TDRKH: variants seen among roughly 807,000 people sequenced by gnomAD.
TDRKH encodes tudor and KH domain-containing protein.
Under a neutral mutation model 61.3 loss-of-function variants are expected in TDRKH, and 28 were observed. That is an observed-to-expected ratio of 0.46 (90% CI 0.34 to 0.63). The LOEUF is 0.63. TDRKH is among the 20% of genes least tolerant of loss of function. The pLI is 0.01. For missense variants in TDRKH, 540 were observed against 683.4 expected (o/e 0.79, Z 2.34); for synonymous variants, 219 against 244.4 (o/e 0.90, Z 0.97).
At chr1:151,774,568 G>C in intron 12 of TDRKH, 64 bp from the exon 13 acceptor site, 1 of 1,599,052 alleles carries the variant, frequency 6.3e-7, no homozygotes, top group Non-Finnish European at 8.6e-7. Flanking sequence ...CAATGCCAGC[G>C]AGGCTCAAAA....
Position 151,774,379 on chromosome 1 carries a change from C to A in TDRKH, c.*73G>T. 6.5e-7 allele frequency: 1 copy of A among 1,545,596 alleles called. No individual in the cohort carries two copies. The highest frequency in any genetic ancestry group is 1.4e-5 in the African/African-American group (1 of 72,776). On this transcript the variant is annotated 3_prime_UTR_variant, in exon 13 of 13. Transcript: ENST00000368824. ...GCCCCACTGTCGCCCTCATTACTTT[C>A]CTGTTGCTACAGATAGATGATAGCT...
downstream of TDRKH, chr1:151,766,766 T>C (rs778212080): frequency 1.3e-6 from 2 of 1,564,382 alleles, no homozygotes; most frequent in Non-Finnish European, 1.7e-6. Context: ...CCCTTTCTTA[T>C]ATCAAGAGGG....
intron 2 of TDRKH, among the ~76,000 whole-genome samples, chr1:151,782,579 T>C (rs1178497271): frequency 6.6e-6 from 1 of 152,130 alleles, no homozygotes; most frequent in Non-Finnish European, 1.5e-5. Flanking sequence ...GTGGGTTGCT[T>C]GAGCTCAGGA....
At position 151,781,538 on chromosome 1, in the gene TDRKH, C is replaced by T. The variant is rs1485580191; in HGVS notation, c.174G>A (p.Arg58=). The T allele has an allele frequency of 1.2e-6, 2 of 1,613,514 alleles. No individual in the cohort carries two copies. Among genetic ancestry groups the T allele is most frequent in the Admixed American group, 1.7e-5 (1 of 59,948 alleles). ...VGEDDIEIEM[R]VPQEAVKLII... ...TGAGTTTCACAGCCTCCTGGGGAAC[C>T]CGCATCTCTATCTCAATGTCATCTT... Residue 58 remains arginine (R), a synonymous_variant, in exon 3 of 13, where the codon CGG becomes CGA. Transcript: ENST00000368824.
chr1:151,770,125 G>A, downstream of TDRKH: 2 of 1,605,476 alleles, frequency 1.2e-6, no homozygotes, highest in Non-Finnish European at 8.5e-7. Flanking sequence ...AGAGGGAGAG[G>A]GAGAGGGAGC....
At chr1:151,779,315 T>C in intron 4 of TDRKH, 73 bp from the exon 5 acceptor site, 1 of 1,550,562 alleles carries the variant, frequency 6.4e-7, no homozygotes, top group Non-Finnish European at 8.7e-7. Flanking sequence ...ATCACTGTTT[T>C]GTATATACTA....
chr1:151,781,837 A>T, intron 2 of TDRKH: 1 of 474,058 alleles, frequency 2.1e-6, no homozygotes, highest in Non-Finnish European at 3.9e-6. Context: ...TGCAATAAAC[A>T]GGTGCTGGGG....
chr1:151,782,809 A>T, intron 2 of TDRKH, 90 bp downstream of exon 2: 2 of 1,449,312 alleles, frequency 1.4e-6, no homozygotes, highest in Non-Finnish European at 1.8e-6. Flanking sequence ...AAACACACAC[A>T]ATACCTGGCA....
downstream of TDRKH, chr1:151,766,877 T>C (rs766127384): frequency 1.9e-6 from 3 of 1,610,790 alleles, no homozygotes; most frequent in East Asian, 2.2e-5. Flanking sequence ...TGCTGCCTCG[T>C]TGTTATAAAA....
chr1:151,787,199 C>T (rs982028275), intron 1 of TDRKH, among the ~76,000 whole-genome samples: 8 of 152,060 alleles, frequency 5.3e-5, no homozygotes, highest in Non-Finnish European at 1.0e-4. Context: ...AATTTGACTT[C>T]TTTTGTCCCC....
intron 1 of TDRKH, among the ~76,000 whole-genome samples, chr1:151,787,497 G>A (rs1214051795): frequency 3.3e-5 from 5 of 152,236 alleles, no homozygotes; most frequent in Non-Finnish European, 5.9e-5. Flanking sequence ...GATTACAGGC[G>A]TGAGCCACTG....
downstream of TDRKH, chr1:151,767,835 GC>G: frequency 1.7e-6 from 1 of 575,686 alleles, no homozygotes; most frequent in Non-Finnish European, 3.0e-6. Context: ...AAGTCAACAG[GC>G]AGTAATACTG....
downstream of TDRKH, chr1:151,770,473 C>A: frequency 5.2e-6 from 3 of 580,032 alleles, no homozygotes; most frequent in South Asian, 2.1e-5. Flanking sequence ...GTGTTAGGGG[C>A]CAGACTGAAG....
chr1:151,782,807 A>G, intron 2 of TDRKH, 92 bp downstream of exon 2: 2 of 1,447,998 alleles, frequency 1.4e-6, no homozygotes. Flanking sequence ...CAAAACACAC[A>G]CAATACCTGG....
At chr1:151,769,961 A>G (rs1648589602), downstream of TDRKH, 2 of 687,186 alleles carry the variant, frequency 2.9e-6, no homozygotes, top group African/African-American at 3.7e-5. Flanking sequence ...AATCCCAGGC[A>G]CTCAGCAGGC....
At chr1:151,789,259 G>A (rs976845940) in intron 1 of TDRKH, among the ~76,000 whole-genome samples, 4 of 152,158 alleles carry the variant, frequency 2.6e-5, no homozygotes, top group African/African-American at 9.7e-5. Context: ...TGCTAATTGA[G>A]TTATCAGCTG....
intron 1 of TDRKH, chr1:151,783,551 T>C (rs1416736815): frequency 6.6e-6 from 1 of 152,350 alleles, no homozygotes; most frequent in Non-Finnish European, 1.5e-5. Flanking sequence ...ATGGGGTTCT[T>C]CCCTGCTCCA....
chr1:151,780,988 T>C (rs1210725768), intron 3 of TDRKH, among the ~76,000 whole-genome samples: 1 of 152,014 alleles, frequency 6.6e-6, no homozygotes, highest in African/African-American at 2.4e-5. Flanking sequence ...AAAAGTTTAG[T>C]TAGCTAAAAA....
chr1:151,773,018 C>T (rs1474523867), downstream of TDRKH, among the ~76,000 whole-genome samples: 6 of 152,026 alleles, frequency 3.9e-5, no homozygotes, highest in African/African-American at 1.5e-4. Context: ...TGCCTGCCAC[C>T]ACGCCCAGCT....
Sources: allele counts gnomAD v4.1 joint callset (sites outside exome capture counted in the v4.1 genomes callset), GRCh38; gene constraint gnomAD v4.1.1; transcripts MANE v1.5; gene names NCBI Gene and HGNC (gene_info 2026-07-23, HGNC 2026-07-21).